Variants in PPP1R37 observed in about 807,000 individuals in gnomAD.
PPP1R37 encodes the protein protein phosphatase 1 regulatory subunit 37, also known as leucine rich repeat containing 68.
A neutral mutation model predicts 61.0 loss-of-function variants in PPP1R37; 21 were observed. The observed-to-expected ratio is 0.34, with a 90% CI of 0.24 to 0.50. PPP1R37 has a LOEUF of 0.50. Ranked by LOEUF, PPP1R37 falls within the 20% of genes least tolerant of loss-of-function variation. The pLI, the probability that PPP1R37 is intolerant of heterozygous loss-of-function variation, is 0.98. For missense variants in PPP1R37, 910 were observed against 952.7 expected (o/e 0.96, Z 0.59); for synonymous variants, 443 against 433.5 (o/e 1.02, Z -0.27).
chr19:45,124,676 G>A (rs1968379426), intron 1 of PPP1R37, among the ~76,000 whole-genome samples: 1 of 152,104 alleles, frequency 6.6e-6, no homozygotes, highest in South Asian at 2.1e-4. Flanking sequence ...AGTAGGTTTT[G>A]GGGACTGGGC....
intron 9 of PPP1R37, 33 bp downstream of exon 9, chr19:45,145,028 G>A (rs1968668643): frequency 6.6e-7 from 1 of 1,524,700 alleles, no homozygotes; most frequent in Admixed American, 2.0e-5. Context: ...GGTGCGGGCT[G>A]GTGGGCTCAG....
At chr19:45,105,580 T>C (rs1968120008) in intron 1 of PPP1R37, among the ~76,000 whole-genome samples, 1 of 152,128 alleles carries the variant, frequency 6.6e-6, no homozygotes, top group African/African-American at 2.4e-5. Flanking sequence ...CTGTGACCCA[T>C]GTGTCACAGG....
At chr19:45,120,296 C>T (rs1425429622) in intron 1 of PPP1R37, among the ~76,000 whole-genome samples, 3 of 152,186 alleles carry the variant, frequency 2.0e-5, no homozygotes, top group Non-Finnish European at 2.9e-5. Context: ...GGATTAGAGG[C>T]GTGAGCCACC....
At chr19:45,109,373 C>A (rs563388355) in intron 1 of PPP1R37, among the ~76,000 whole-genome samples, 1 of 152,222 alleles carries the variant, frequency 6.6e-6, no homozygotes, top group South Asian at 2.1e-4. Flanking sequence ...TCAGAGAGGG[C>A]AGAGGAGGCA....
intron 7 of PPP1R37, 101 bp downstream of exon 7, chr19:45,142,559 C>A: frequency 1.6e-6 from 2 of 1,229,554 alleles, no homozygotes; most frequent in Non-Finnish European, 2.2e-6. Context: ...GCCAAGACCA[C>A]CCCAACGCTG....
intron 1 of PPP1R37, among the ~76,000 whole-genome samples, chr19:45,111,971 T>TC (rs1437453702): frequency 1.3e-5 from 2 of 151,900 alleles, no homozygotes; most frequent in East Asian, 3.8e-4. Flanking sequence ...TTCTTTTCTT[T>TC]CTTTTTTTTT....
At chr19:45,141,538 C>T in intron 5 of PPP1R37, 97 bp downstream of exon 5, 3 of 1,418,018 alleles carry the variant, frequency 2.1e-6, no homozygotes, top group Non-Finnish European at 2.8e-6. Context: ...ACTGCATGAG[C>T]TCTTGAGTGT....
chr19:45,146,357 C>T (rs1288760126), intron 11 of PPP1R37, 33 bp from the exon 12 acceptor site: 22 of 1,528,240 alleles, frequency 1.4e-5, no homozygotes, highest in Non-Finnish European at 1.7e-5. Flanking sequence ...CCCCACCCGC[C>T]TGACGGGGGT....
chr19:45,114,511 A>G (rs10423555), intron 1 of PPP1R37, among the ~76,000 whole-genome samples: 4,638 of 152,280 alleles, frequency 0.03, 247 homozygotes, highest in African/African-American at 0.11. Flanking sequence ...CAAATGGGCG[A>G]TAGAGGGCCA....
chr19:45,120,166 C>T (rs1045656370), intron 1 of PPP1R37, among the ~76,000 whole-genome samples: 6 of 151,790 alleles, frequency 4.0e-5, no homozygotes, highest in African/African-American at 7.3e-5. Flanking sequence ...TACAGGTGCC[C>T]GCCACCACGC....
chr19:45,093,221 A>G lies in PPP1R37; in HGVS notation c.-105A>G. On this transcript the variant is annotated 5_prime_UTR_variant, in exon 1 of 13. Transcript: ENST00000221462. Reference sequence around the variant, plus strand: ...GGAGAGCGGACGGAGGCGGCGCCTGAAGCGGCGGCGGAGCCCATGCCCCGG... The same window carrying G: ...GGAGAGCGGACGGAGGCGGCGCCTGGAGCGGCGGCGGAGCCCATGCCCCGG... 1.1e-6 allele frequency: 1 copy of G among 939,864 alleles called. No homozygotes were observed. The highest frequency in any genetic ancestry group is 1.4e-6 in the Non-Finnish European group (1 of 697,936). 58.2% of individuals were successfully genotyped at this position (939,864 alleles called of 1,614,324 possible).
intron 1 of PPP1R37, among the ~76,000 whole-genome samples, chr19:45,125,052 C>T (rs1238750185): frequency 6.6e-6 from 1 of 152,162 alleles, no homozygotes; most frequent in South Asian, 2.1e-4. Flanking sequence ...CTCCTAAATT[C>T]GAAGCCTGAG....
chr19:45,140,334 C>G (rs2122753201), intron 3 of PPP1R37, 53 bp downstream of exon 3: 1 of 1,501,238 alleles, frequency 6.7e-7, no homozygotes, highest in East Asian at 2.5e-5. Context: ...AGGTCGGGGG[C>G]TCCCTAGAGC....
At chr19:45,118,936 C>T (rs1968304199) in intron 1 of PPP1R37, among the ~76,000 whole-genome samples, 1 of 151,994 alleles carries the variant, frequency 6.6e-6, no homozygotes, top group South Asian at 2.1e-4. Context: ...TCCTTGTGGG[C>T]CACCGCCTCT....
At chr19:45,094,694 C>T (rs1967969460) in intron 1 of PPP1R37, among the ~76,000 whole-genome samples, 1 of 150,832 alleles carries the variant, frequency 6.6e-6, no homozygotes, top group South Asian at 2.1e-4. Context: ...CGACATTGTA[C>T]TCCAGCCTGG....
intron 1 of PPP1R37, among the ~76,000 whole-genome samples, chr19:45,094,299 G>C (rs1258470758): frequency 6.6e-6 from 1 of 152,128 alleles, no homozygotes; most frequent in Non-Finnish European, 1.5e-5. Context: ...GTGGTATTAA[G>C]AAGAAAAGCC....
intron 1 of PPP1R37, among the ~76,000 whole-genome samples, chr19:45,095,322 G>A (rs957803801): frequency 6.7e-6 from 1 of 149,566 alleles, no homozygotes; most frequent in Admixed American, 6.6e-5. Flanking sequence ...TTTTAGTAGA[G>A]TTGGGGGTTT....
chr19:45,134,390 G>C (rs1042304090), intron 1 of PPP1R37, among the ~76,000 whole-genome samples: 3 of 152,180 alleles, frequency 2.0e-5, no homozygotes, highest in Non-Finnish European at 1.5e-5. Flanking sequence ...GGAAGTGCTG[G>C]GGATGGGCCT....
intron 1 of PPP1R37, among the ~76,000 whole-genome samples, chr19:45,104,962 G>A (rs568450561): frequency 6.6e-6 from 1 of 152,334 alleles, no homozygotes; most frequent in East Asian, 1.9e-4. Flanking sequence ...CTCCCCGTCA[G>A]GTGGCCAGCG....
Sources: allele counts gnomAD v4.1 joint callset (sites outside exome capture counted in the v4.1 genomes callset), GRCh38; gene constraint gnomAD v4.1.1; transcripts MANE v1.5; gene names NCBI Gene and HGNC (gene_info 2026-07-23, HGNC 2026-07-21).